Variants in NRG3 observed in about 807,000 individuals in gnomAD.
The protein encoded by NRG3 is neuregulin 3.
Under a neutral mutation model 66.9 loss-of-function variants are expected in NRG3, and 31 were observed. That is an observed-to-expected ratio of 0.46 (90% CI 0.35 to 0.63). The LOEUF is 0.63. Ranked by LOEUF, NRG3 falls within the 20% of genes least tolerant of loss-of-function variation. The pLI is 0.00. For synonymous variants in NRG3, 393 were observed against 359.4 expected, an observed-to-expected ratio of 1.09 and a Z score of -1.06; for missense variants, 910 against 878.9, an observed-to-expected ratio of 1.04 and a Z score of -0.45.
chr10:82,356,348 T>C (rs561312956), intron 1 of NRG3, among the ~76,000 whole-genome samples: 1 of 152,256 alleles, frequency 6.6e-6, no homozygotes, highest in South Asian at 2.1e-4. Context: ...TATCAATAAA[T>C]GGATAATAAG....
intron 4 of NRG3, among the ~76,000 whole-genome samples, chr10:82,945,820 A>T (rs1848967059): frequency 6.6e-6 from 1 of 152,176 alleles, no homozygotes; most frequent in Admixed American, 6.5e-5. Context: ...ACATATTGAA[A>T]CCATAGCAGC....
intron 2 of NRG3, among the ~76,000 whole-genome samples, chr10:82,553,118 T>A (rs185351586): frequency 2.6e-5 from 4 of 152,152 alleles, no homozygotes; most frequent in Admixed American, 1.3e-4. Flanking sequence ...GCTTCATGAA[T>A]GTTGCAATTC....
chr10:82,436,778 T>C (rs2090162423), intron 2 of NRG3, among the ~76,000 whole-genome samples: 3 of 152,212 alleles, frequency 2.0e-5, no homozygotes, highest in Admixed American at 2.0e-4. Context: ...AGGATTTTAT[T>C]TCTCCTTCGC....
chr10:82,146,161 G>A (rs570329531), intron 1 of NRG3, among the ~76,000 whole-genome samples: 1 of 152,256 alleles, frequency 6.6e-6, no homozygotes, highest in South Asian at 2.1e-4. Flanking sequence ...TTTAAAGCCT[G>A]CTTTTGTTTC....
At chr10:82,930,873 A>G (rs1847505960) in intron 4 of NRG3, among the ~76,000 whole-genome samples, 1 of 152,160 alleles carries the variant, frequency 6.6e-6, no homozygotes, top group Non-Finnish European at 1.5e-5. Flanking sequence ...CTTCCTCTTC[A>G]TGAAAATCTT....
chr10:82,733,843 C>T (rs539539638), intron 2 of NRG3, among the ~76,000 whole-genome samples: 10 of 152,268 alleles, frequency 6.6e-5, no homozygotes, highest in East Asian at 1.9e-4. Context: ...TATTATAAGC[C>T]GTAACTTAGT....
chr10:82,287,241 G>T (rs1046043021), intron 1 of NRG3, among the ~76,000 whole-genome samples: 1 of 151,966 alleles, frequency 6.6e-6, no homozygotes, highest in Non-Finnish European at 1.5e-5. Context: ...GTTCTCATGG[G>T]ATCTGGATGT....
chr10:82,463,088 A>G (rs879024452), intron 2 of NRG3, among the ~76,000 whole-genome samples: 5 of 152,206 alleles, frequency 3.3e-5, no homozygotes, highest in African/African-American at 1.2e-4. Context: ...GGATGTATCC[A>G]GAAACTGACT....
chr10:82,511,955 C>T (rs1845214818), intron 2 of NRG3, among the ~76,000 whole-genome samples: 1 of 151,890 alleles, frequency 6.6e-6, no homozygotes, highest in African/African-American at 2.4e-5. Context: ...ATTTCAGAAA[C>T]TGTATTGTTC....
chr10:82,860,255 G>T (rs1251569867), intron 3 of NRG3, among the ~76,000 whole-genome samples: 1 of 152,084 alleles, frequency 6.6e-6, no homozygotes, highest in African/African-American at 2.4e-5. Flanking sequence ...CTTATATTTG[G>T]CACTTCATCA....
chr10:81,891,646 T>C (rs1273124289), intron 1 of NRG3, among the ~76,000 whole-genome samples: 1 of 152,194 alleles, frequency 6.6e-6, no homozygotes, highest in African/African-American at 2.4e-5. Flanking sequence ...TCTTTGCTTC[T>C]GTGGAAAGTT....
intron 2 of NRG3, among the ~76,000 whole-genome samples, chr10:82,411,507 C>A (rs1017886497): frequency 1.3e-5 from 2 of 152,100 alleles, no homozygotes; most frequent in Admixed American, 1.3e-4. Context: ...CAAATGAAGG[C>A]ATCAACAATT....
chr10:81,878,046 A>C, intron 1 of NRG3: 1 of 1,537,416 alleles, frequency 6.5e-7, no homozygotes, highest in South Asian at 1.2e-5. Context: ...GTTCTTTCTC[A>C]ATTGATTTCC....
intron 1 of NRG3, among the ~76,000 whole-genome samples, chr10:82,170,659 TA>T (rs1241858540): frequency 1.4e-5 from 1 of 71,090 alleles, no homozygotes; most frequent in Non-Finnish European, 2.4e-5. Context: ...TTGTGGTATA[TA>T]TATATATATA....
At position 82,206,330 on chromosome 10, in the gene NRG3, C is replaced by T. The variant is rs368452474; in HGVS notation, c.824-152409C>T. Among the ~76,000 whole-genome samples the T allele has an allele frequency of 5.9e-5, 9 of 152,238 alleles. No individual in the cohort carries two copies. In the East Asian group the frequency reaches 9.7e-4, roughly 16 times the overall value. ...TCTGACAATTTACTAAACAAATGAC[C>T]GTTCTCATTGGTTTAATAGCCAGTT... On this transcript the variant is annotated intron_variant, in intron 1 of 8. Coordinates refer to ENST00000372141, the MANE Select transcript of NRG3 (RefSeq NM_001010848.4).
At chr10:82,480,356 A>G (rs1479947320) in intron 2 of NRG3, among the ~76,000 whole-genome samples, 1 of 152,220 alleles carries the variant, frequency 6.6e-6, no homozygotes, top group Non-Finnish European at 1.5e-5. Flanking sequence ...TTTAAGCTAT[A>G]GTAATTACAT....
At chr10:82,172,641 C>T (rs751607801) in intron 1 of NRG3, among the ~76,000 whole-genome samples, 25 of 152,238 alleles carry the variant, frequency 1.6e-4, no homozygotes, top group Non-Finnish European at 2.2e-4. Context: ...ATCTCATCAG[C>T]CACAGAACCT....
chr10:82,685,283 C>T (rs571271902), intron 2 of NRG3, among the ~76,000 whole-genome samples: 1 of 152,208 alleles, frequency 6.6e-6, no homozygotes, highest in Admixed American at 6.5e-5. Context: ...TGTGTAAGTG[C>T]ACACAGGGAT....
At chr10:82,104,263 C>G (rs182308822) in intron 1 of NRG3, among the ~76,000 whole-genome samples, 158 of 152,232 alleles carry the variant, frequency 1.0e-3, no homozygotes, top group African/African-American at 3.7e-3. Flanking sequence ...GGATATTAAA[C>G]TTATAAATTA....
Sources: gnomAD v4.1 joint callset for allele counts (sites outside exome capture counted in the v4.1 genomes callset) on GRCh38, gnomAD v4.1.1 for gene constraint, MANE v1.5 for transcripts, NCBI Gene and HGNC (gene_info 2026-07-23, HGNC 2026-07-21) for gene names.